UBE3D: variants seen among roughly 807,000 people sequenced by gnomAD.
UBE3D encodes the protein ubiquitin protein ligase E3D.
In UBE3D, 48 loss-of-function variants were observed where a neutral mutation model predicts 49.6. The observed-to-expected ratio is 0.97, with a 90% confidence interval of 0.77 to 1.23. UBE3D has a LOEUF of 1.23. UBE3D is among the 50% of genes most tolerant of loss of function. The probability of loss-of-function intolerance (pLI) is 0.00; values close to 1 mark genes in which losing one functional copy is unlikely to be tolerated. For missense variants in UBE3D, 452 were observed against 468.4 expected (o/e 0.96, Z 0.32); for synonymous variants, 189 against 174.2 (o/e 1.08, Z -0.67).
intron 8 of UBE3D, among the ~76,000 whole-genome samples, chr6:83,011,405 T>C (rs1452446948): frequency 2.0e-5 from 3 of 152,206 alleles, no homozygotes; most frequent in Non-Finnish European, 4.4e-5. Flanking sequence ...GTGGTTTTTT[T>C]CCTGGTAGAA....
chr6:83,050,991 G>A (rs1783433305), intron 3 of UBE3D, among the ~76,000 whole-genome samples: 1 of 152,198 alleles, frequency 6.6e-6, no homozygotes, highest in Non-Finnish European at 1.5e-5. Context: ...CACCTGCAGA[G>A]TATGTGAATC....
intron 3 of UBE3D, among the ~76,000 whole-genome samples, chr6:83,047,849 C>T (rs887587024): frequency 6.6e-6 from 1 of 151,886 alleles, no homozygotes; most frequent in Non-Finnish European, 1.5e-5. Flanking sequence ...TTGGGAGGCC[C>T]AGGCGGGCGG....
intron 2 of UBE3D, 86 bp from the exon 3 acceptor site, chr6:83,054,324 T>C: frequency 2.0e-6 from 2 of 985,332 alleles, no homozygotes; most frequent in Non-Finnish European, 3.2e-6. Context: ...CACGATAAAT[T>C]ACCATCCATA....
At chr6:82,920,753 A>T (rs1475481967) in intron 9 of UBE3D, among the ~76,000 whole-genome samples, 1 of 152,200 alleles carries the variant, frequency 6.6e-6, no homozygotes, top group Non-Finnish European at 1.5e-5. Flanking sequence ...CTGTGGTCTC[A>T]AAAATTGAGG....
intron 9 of UBE3D, among the ~76,000 whole-genome samples, chr6:82,902,520 G>T (rs1771812026): frequency 6.6e-6 from 1 of 152,046 alleles, no homozygotes; most frequent in African/African-American, 2.4e-5. Flanking sequence ...AATCTCAAAA[G>T]GTTACATACT....
chr6:83,063,719 A>C (rs1285670133), intron 1 of UBE3D, among the ~76,000 whole-genome samples: 1 of 152,200 alleles, frequency 6.6e-6, no homozygotes, highest in African/African-American at 2.4e-5. Context: ...TCAAACTAAA[A>C]GGACTGATAA....
At chr6:82,981,446 G>A (rs1778114893) in intron 8 of UBE3D, among the ~76,000 whole-genome samples, 1 of 151,966 alleles carries the variant, frequency 6.6e-6, no homozygotes, top group Non-Finnish European at 1.5e-5. Context: ...CCTCCAGAAT[G>A]CAAAGCATAT....
chr6:83,042,329 A>AT (rs1782732705), intron 4 of UBE3D, among the ~76,000 whole-genome samples: 1 of 152,214 alleles, frequency 6.6e-6, no homozygotes, highest in East Asian at 1.9e-4. Flanking sequence ...TACTGCTGCA[A>AT]TAACAAAGCC....
intron 9 of UBE3D, chr6:82,938,352 C>G (rs79074202): frequency 2.6e-5 from 4 of 152,030 alleles, no homozygotes; most frequent in Admixed American, 2.0e-4. Flanking sequence ...TCAGACGTGC[C>G]GTGAGAGAGA....
At chr6:83,059,883 GACAGGTGAGGAGGAAATCTGA>G (rs1784059115) in intron 1 of UBE3D, among the ~76,000 whole-genome samples, 1 of 152,188 alleles carries the variant, frequency 6.6e-6, no homozygotes, top group Non-Finnish European at 1.5e-5. Flanking sequence ...CAAATCCCAA[GACAGGTGAGGAGGAAATCTGA>G]ACAGGAGGTG....
intron 8 of UBE3D, among the ~76,000 whole-genome samples, chr6:83,015,794 G>A (rs1040053047): frequency 1.3e-5 from 2 of 152,156 alleles, no homozygotes; most frequent in Non-Finnish European, 2.9e-5. Flanking sequence ...GGGGAGGCCT[G>A]TTGCCTCAGG....
chr6:82,936,041 G>C (rs1233562719), intron 9 of UBE3D, among the ~76,000 whole-genome samples: 1 of 151,966 alleles, frequency 6.6e-6, no homozygotes, highest in Non-Finnish European at 1.5e-5. Context: ...TAGTAATGGG[G>C]AAATGTGGGA....
In UBE3D at chr6:82,967,906, T is replaced by C. The variant is rs1385300182; in HGVS notation, c.1011-10456A>G. Among the ~76,000 whole-genome samples, 3 of 152,254 alleles carry C rather than the reference T, an allele frequency of 2.0e-5. No homozygotes were observed. The East Asian group carries it at 5.8e-4, about 29-fold the overall frequency. On this transcript the variant is annotated intron_variant, in intron 8 of 9. Transcript: ENST00000369747. ...AATCCTCCCACCTCAGTCTCCAGAA[T>C]AGGTGCAATTACAGGCTACTCAACT...
chr6:82,947,047 C>T (rs1374570960), intron 9 of UBE3D, among the ~76,000 whole-genome samples: 1 of 151,668 alleles, frequency 6.6e-6, no homozygotes, highest in Non-Finnish European at 1.5e-5. Context: ...CAGGAGTAAG[C>T]CTTTACTTAT....
intron 9 of UBE3D, among the ~76,000 whole-genome samples, chr6:82,945,093 A>G (rs1204104142): frequency 1.3e-5 from 2 of 152,244 alleles, no homozygotes; most frequent in Admixed American, 6.5e-5. Flanking sequence ...TGCTGATAGT[A>G]GAGCCCTAGG....
intron 8 of UBE3D, chr6:83,017,351 T>C (rs1346893842): frequency 6.6e-6 from 1 of 152,116 alleles, no homozygotes; most frequent in East Asian, 1.9e-4. Context: ...TATAAAGGGT[T>C]TTAATAAATT....
At chr6:82,930,813 T>A (rs1266535356) in intron 9 of UBE3D, among the ~76,000 whole-genome samples, 1 of 152,154 alleles carries the variant, frequency 6.6e-6, no homozygotes, top group Admixed American at 6.6e-5. Context: ...AGCCTGACAG[T>A]GCAGTATAAA....
intron 9 of UBE3D, among the ~76,000 whole-genome samples, chr6:82,911,221 A>AAAC (rs1772496151): frequency 1.3e-5 from 2 of 151,130 alleles, no homozygotes; most frequent in Admixed American, 6.6e-5. Flanking sequence ...AAAAAAAAAA[A>AAAC]AACTCAGGGG....
At chr6:82,991,780 G>T (rs984990480) in intron 8 of UBE3D, among the ~76,000 whole-genome samples, 1 of 152,108 alleles carries the variant, frequency 6.6e-6, no homozygotes, top group Admixed American at 6.5e-5. Context: ...ACCATCTTCT[G>T]ACCATTTCCT....
Sources: gnomAD v4.1 joint callset for allele counts (sites outside exome capture counted in the v4.1 genomes callset) on GRCh38, gnomAD v4.1.1 for gene constraint, MANE v1.5 for transcripts, NCBI Gene and HGNC (gene_info 2026-07-23, HGNC 2026-07-21) for gene names.